Variants in MTREX observed in about 807,000 individuals in gnomAD.
The protein encoded by MTREX is Mtr4 exosome RNA helicase.
In MTREX, 76 loss-of-function variants were observed where a neutral mutation model predicts 135.4. The ratio of observed to expected loss-of-function variants is 0.56; its 90% CI spans 0.47 to 0.68. The LOEUF (loss-of-function observed/expected upper bound fraction) is 0.68. Ranked by LOEUF, MTREX falls within the 30% of genes least tolerant of loss-of-function variation. The pLI, the probability that MTREX is intolerant of heterozygous loss-of-function variation, is 0.00. For synonymous variants in MTREX, 404 were observed against 401.6 expected, an observed-to-expected ratio of 1.01 and a Z score of -0.07; for missense variants, 920 against 1,262.1, an observed-to-expected ratio of 0.73 and a Z score of 4.11.
chr5:55,408,059 C>G (rs544308556), intron 22 of MTREX, among the ~76,000 whole-genome samples: 2 of 152,238 alleles, frequency 1.3e-5, no homozygotes, highest in African/African-American at 2.4e-5. Flanking sequence ...ACCCAGCACC[C>G]AGCCCCTTTG....
rs949496383 is a variant in MTREX, at chr5:55,317,533, G to T, written c.135-4794G>T. 4.6e-5 allele frequency among the ~76,000 whole-genome samples: 7 copies of T among 152,318 alleles called. No homozygotes were observed. In the East Asian group the frequency reaches 1.4e-3, roughly 29 times the overall value. On this transcript the variant is annotated intron_variant, in intron 1 of 26. Coordinates refer to ENST00000230640, the MANE Select transcript of MTREX (RefSeq NM_015360.5). ...TAACAAAACGAAGCAGTGGGGAAAA[G>T]ACTCGCTATTCAATAAATGCTGCTG...
intron 15 of MTREX, among the ~76,000 whole-genome samples, chr5:55,366,427 C>G (rs1358202897): frequency 6.6e-6 from 1 of 152,156 alleles, no homozygotes; most frequent in African/African-American, 2.4e-5. Context: ...GATTTCAAGG[C>G]TGCAGTGAGC....
chr5:55,393,864 AT>A, intron 19 of MTREX, among the ~76,000 whole-genome samples: 1 of 152,220 alleles, frequency 6.6e-6, no homozygotes, highest in Non-Finnish European at 1.5e-5. Flanking sequence ...TATTCATTCA[AT>A]TTTTAAACAT....
intron 23 of MTREX, among the ~76,000 whole-genome samples, chr5:55,413,137 G>A (rs1417944289): frequency 1.3e-5 from 2 of 151,774 alleles, no homozygotes; most frequent in Non-Finnish European, 2.9e-5. Flanking sequence ...GTCAGGAGTC[G>A]ACACCAGTCT....
intron 26 of MTREX, 36 bp downstream of exon 26, chr5:55,423,018 A>G (rs1178628953): frequency 1.9e-6 from 3 of 1,553,474 alleles, no homozygotes; most frequent in Admixed American, 1.7e-5. Flanking sequence ...TCTAATTTAG[A>G]CAAATTTGGT....
At chr5:55,315,509 GTTA>G (rs1307532192) in intron 1 of MTREX, among the ~76,000 whole-genome samples, 2 of 151,910 alleles carry the variant, frequency 1.3e-5, no homozygotes, top group Admixed American at 6.6e-5. Flanking sequence ...AATATTTGTA[GTTA>G]TTATTATTAT....
chr5:55,379,066 G>C, intron 17 of MTREX, 61 bp from the exon 18 acceptor site: 1 of 1,166,146 alleles, frequency 8.6e-7, no homozygotes, highest in South Asian at 1.2e-5. Context: ...GGTGTGAAAG[G>C]CTGAAATTGC....
Position 55,387,992 on chromosome 5 carries a change from G to T in MTREX, c.2071G>T (p.Asp691Tyr). 2 of 1,596,738 alleles carry T rather than the reference G, an allele frequency of 1.3e-6. No homozygotes were observed. Among genetic ancestry groups the T allele is most frequent in the Non-Finnish European group, 1.7e-6 (2 of 1,168,140 alleles). ...SNVKPNSGELDPLYVVEVLLR... is the reference protein window; with the variant it reads ...SNVKPNSGELYPLYVVEVLLR... ...TTTTTAGCCTAACTCTGGTGAACTG[G>T]ATCCTTTGTATGTAGTAGAAGTACT... The change falls in exon 19 of 27, where the codon GAT becomes TAT. Residue 691 changes from aspartate (D) to tyrosine (Y), a missense_variant. This residue lies in a region of MTREX where 467 missense variants were observed against 589.7 expected (regional missense o/e 0.79). Transcript: ENST00000230640.
At chr5:55,355,897 G>A (rs368680324) in intron 14 of MTREX, among the ~76,000 whole-genome samples, 9 of 152,224 alleles carry the variant, frequency 5.9e-5, no homozygotes, top group African/African-American at 1.9e-4. Flanking sequence ...AGAATTAACT[G>A]TCCCAAAGGG....
At chr5:55,335,433 A>C (rs73122210) in intron 5 of MTREX, among the ~76,000 whole-genome samples, 19,724 of 151,950 alleles carry the variant, frequency 0.13, 1,518 homozygotes, top group East Asian at 0.26. Context: ...TTGCAATTTC[A>C]TAGTATTAGT....
chr5:55,321,199 A>G (rs1465215540), intron 1 of MTREX, among the ~76,000 whole-genome samples: 1 of 152,204 alleles, frequency 6.6e-6, no homozygotes, highest in African/African-American at 2.4e-5. Context: ...CATAAAATTC[A>G]TTAGAGTTTC....
chr5:55,396,402 T>A (rs1365843238), intron 19 of MTREX, among the ~76,000 whole-genome samples: 1 of 152,180 alleles, frequency 6.6e-6, no homozygotes, highest in East Asian at 1.9e-4. Context: ...GAGAATGTGC[T>A]TGTTCTTAAC....
chr5:55,387,629 ATTCTC>A (rs757551778), intron 18 of MTREX, among the ~76,000 whole-genome samples: 8 of 152,106 alleles, frequency 5.3e-5, no homozygotes, highest in Non-Finnish European at 1.2e-4. Flanking sequence ...AAAATAATCT[ATTCTC>A]AATCTATTAT....
intron 24 of MTREX, 34 bp from the exon 25 acceptor site, chr5:55,415,936 T>C: frequency 6.8e-7 from 1 of 1,472,108 alleles, no homozygotes; most frequent in Non-Finnish European, 9.1e-7. Context: ...TGGGAGATCA[T>C]AAGTAAGGAA....
chr5:55,322,122 GAAA>G (rs1276294254), intron 1 of MTREX, among the ~76,000 whole-genome samples: 1 of 152,110 alleles, frequency 6.6e-6, no homozygotes, highest in Non-Finnish European at 1.5e-5. Context: ...AACCGTCAAA[GAAA>G]AATGAAATAC....
At chr5:55,338,403 T>C (rs1365087024) in intron 5 of MTREX, among the ~76,000 whole-genome samples, 2 of 152,096 alleles carry the variant, frequency 1.3e-5, no homozygotes, top group Non-Finnish European at 2.9e-5. Flanking sequence ...ATGTATTGAG[T>C]TTTTCTGTTG....
At position 55,395,001 on chromosome 5, in the gene MTREX, C is replaced by G. The variant is rs532886839; in HGVS notation, c.2182-2415C>G. 4.0e-5 allele frequency among the ~76,000 whole-genome samples: 6 copies of G among 151,684 alleles called. No homozygotes were observed. The South Asian group carries it at 1.3e-3, about 32-fold the overall frequency. On this transcript the variant is annotated intron_variant, in intron 19 of 26. Transcript: ENST00000230640. ...TGAACCGAGATCGCACCGCTGCACTCCAGCCTGGGTGGCAGAGCAAGAATC... is the reference window on the plus strand; with the variant it reads ...TGAACCGAGATCGCACCGCTGCACTGCAGCCTGGGTGGCAGAGCAAGAATC...
intron 5 of MTREX, among the ~76,000 whole-genome samples, chr5:55,330,276 A>G (rs957836514): frequency 3.3e-5 from 5 of 151,900 alleles, no homozygotes; most frequent in Admixed American, 6.6e-5. Flanking sequence ...AAATCTCGCT[A>G]TGTTGCCTAC....
At chr5:55,415,253 A>C (rs1750949635) in intron 24 of MTREX, among the ~76,000 whole-genome samples, 1 of 152,098 alleles carries the variant, frequency 6.6e-6, no homozygotes, top group Admixed American at 6.5e-5. Flanking sequence ...GTGGCATATT[A>C]TACTTAGTAC....
Sources: gnomAD v4.1 joint callset for allele counts (sites outside exome capture counted in the v4.1 genomes callset) on GRCh38, gnomAD v4.1.1 for gene constraint, gnomAD v4.1.1 regional missense constraint, MANE v1.5 for transcripts, NCBI Gene and HGNC (gene_info 2026-07-23, HGNC 2026-07-21) for gene names.